Variants in DMC1 observed in about 807,000 individuals in gnomAD.
DMC1 encodes meiotic recombination protein DMC1 homolog.
A neutral mutation model predicts 50.1 loss-of-function variants in DMC1; 27 were observed. That is an observed-to-expected ratio of 0.54 (90% CI 0.40 to 0.74). The LOEUF (loss-of-function observed/expected upper bound fraction) is 0.74. DMC1 is among the 30% of genes least tolerant of loss of function. The pLI, the probability that DMC1 is intolerant of heterozygous loss-of-function variation, is 0.00. For synonymous variants in DMC1, 148 were observed against 136.1 expected (o/e 1.09, Z -0.61); for missense variants, 295 against 420.2 (o/e 0.70, Z 2.60).
intron 12 of DMC1, among the ~76,000 whole-genome samples, chr22:38,532,838 G>C (rs2090167863): frequency 6.6e-6 from 1 of 151,784 alleles, no homozygotes. Flanking sequence ...AGGCTCCTGG[G>C]CTCAAGCGAT....
intron 13 of DMC1, among the ~76,000 whole-genome samples, chr22:38,520,358 A>C (rs2090010934): frequency 6.6e-6 from 1 of 151,598 alleles, no homozygotes; most frequent in Non-Finnish European, 1.5e-5. Flanking sequence ...ATGTTCTTTC[A>C]TTTATTTATT....
At chr22:38,567,309 C>T (rs2090590015) in intron 3 of DMC1, among the ~76,000 whole-genome samples, 2 of 152,222 alleles carry the variant, frequency 1.3e-5, no homozygotes, top group Admixed American at 1.3e-4. Context: ...GGCTGGATTT[C>T]TGCCAACATC....
rs189607582 is a variant in DMC1 at position 38,541,291 on chromosome 22, A to T, written c.495-1879T>A. ...GTTAATCACTTATATATTTTTAAAA[A>T]TTTTTATTTTATTTTTTTGAGATGG... On this transcript the variant is annotated intron_variant, in intron 8 of 13. Transcript: ENST00000216024. Among the ~76,000 whole-genome samples the T allele has an allele frequency of 1.8e-4, 28 of 152,204 alleles. No homozygotes were observed. In the East Asian group the frequency reaches 1.9e-3, roughly 10 times the overall value.
chr22:38,539,175 C>G (rs937078040), intron 9 of DMC1, 146 bp downstream of exon 9: 1 of 634,884 alleles, frequency 1.6e-6, no homozygotes, highest in African/African-American at 1.8e-5. Context: ...AAGGACTTAC[C>G]AGATGATAAA....
chr22:38,539,275 G>T, intron 9 of DMC1, 46 bp downstream of exon 9: 1 of 1,391,878 alleles, frequency 7.2e-7, no homozygotes, highest in Non-Finnish European at 1.0e-6. Context: ...AATCAGTGCT[G>T]CCAACCTTAC....
At chr22:38,522,202 G>T (rs11570430) in intron 12 of DMC1, among the ~76,000 whole-genome samples, 1 of 150,428 alleles carries the variant, frequency 6.6e-6, no homozygotes, top group African/African-American at 2.4e-5. Flanking sequence ...CTGCCCGCCT[G>T]GGCCTCCCAA....
intron 12 of DMC1, among the ~76,000 whole-genome samples, chr22:38,528,890 A>G (rs1431228032): frequency 1.3e-5 from 2 of 152,238 alleles, no homozygotes; most frequent in African/African-American, 4.8e-5. Flanking sequence ...AACTTTTCTT[A>G]AAGTTTCTTT....
intron 12 of DMC1, among the ~76,000 whole-genome samples, chr22:38,525,263 G>C (rs1437949113): frequency 6.6e-6 from 1 of 152,124 alleles, no homozygotes; most frequent in Non-Finnish European, 1.5e-5. Context: ...CCCTGGTCTA[G>C]GTCCTTCTTG....
chr22:38,534,384 A>C (rs1304484816), intron 12 of DMC1, among the ~76,000 whole-genome samples: 1 of 152,186 alleles, frequency 6.6e-6, no homozygotes, highest in Non-Finnish European at 1.5e-5. Flanking sequence ...GGTTCAGAAG[A>C]AACTTCTCAA....
In DMC1 at chr22:38,567,608, A is replaced by G. The variant is rs375414601; in HGVS notation, c.71T>C (p.Ile24Thr). Residue 24 changes from isoleucine (I) to threonine (T), a missense_variant, in exon 3 of 14, where the codon ATT becomes ACT. Transcript: ENST00000216024. ...AATTCCATGTTTCTGTAACAGGTCA[A>G]TATCTTGAAACAAAGATTCCTAAAG... ...QDEEESLFQD[I>T]DLLQKHGINV... 12 of 1,609,760 alleles carry G rather than the reference A, an allele frequency of 7.5e-6. No homozygotes were observed. Among genetic ancestry groups the G allele is most frequent in the African/African-American group, 1.3e-5 (1 of 74,850 alleles).
rs769615441 is a variant in DMC1 at position 38,538,594 on chromosome 22, A to G, written c.605T>C (p.Leu202Pro). 6.2e-7 allele frequency: 1 copy of G among 1,614,036 alleles called. No individual in the cohort carries two copies. The highest frequency in any genetic ancestry group is 8.5e-7 in the Non-Finnish European group (1 of 1,179,936). ...GAACTTTGCTGCTACATAATCAAGT[A>G]GCTCCATCTGATGTTCACCTGATGG... ...RAYTSEHQME[L>P]LDYVAAKFHE... is the part of the protein sequence containing the mutation. Residue 202 changes from leucine (L) to proline (P), a missense_variant, in exon 10 of 14, where the codon CTA becomes CCA. Coordinates refer to ENST00000216024, the MANE Select transcript of DMC1 (RefSeq NM_007068.4).
intron 12 of DMC1, among the ~76,000 whole-genome samples, chr22:38,527,844 T>C (rs2090109950): frequency 6.6e-6 from 1 of 151,602 alleles, no homozygotes; most frequent in Non-Finnish European, 1.5e-5. Flanking sequence ...TAATGGGGGA[T>C]AATAACTGTA....
the DMC1 span, among the ~76,000 whole-genome samples, chr22:38,512,465 C>A: frequency 1.3e-5 from 2 of 152,198 alleles, no homozygotes; most frequent in African/African-American, 4.8e-5. Flanking sequence ...CTTTAGATTT[C>A]TTTTCTATGA....
intron 9 of DMC1, among the ~76,000 whole-genome samples, chr22:38,539,035 CAAA>C (rs201990795): frequency 8.9e-6 from 1 of 112,640 alleles, no homozygotes. Flanking sequence ...GACTCCATCT[CAAA>C]AAAAAAAAAA....
At chr22:38,529,425 C>T (rs1186204060) in intron 12 of DMC1, among the ~76,000 whole-genome samples, 2 of 151,716 alleles carry the variant, frequency 1.3e-5, no homozygotes, top group East Asian at 1.9e-4. Flanking sequence ...TTCTTTTTTC[C>T]TTTTGTCAGG....
chr22:38,516,815 A>ATCTTTT (rs1476368929), downstream of DMC1, among the ~76,000 whole-genome samples: 1 of 152,022 alleles, frequency 6.6e-6, no homozygotes, highest in Non-Finnish European at 1.5e-5. Flanking sequence ...CAGTTGAATA[A>ATCTTTT]TCTTTTTCTT....
Position 38,537,642 on chromosome 22 carries a change from C to G in DMC1, c.786G>C (p.Val262=), listed in dbSNP as rs770468444. ...RLQKISEEYN[V]AVFVTNQMTA... Reference sequence around the variant, plus strand: ...TCATTTGATTGGTCACAAAAACAGCCACGTTATATTCTGCATCAAGAGATA... The same window carrying G: ...TCATTTGATTGGTCACAAAAACAGCGACGTTATATTCTGCATCAAGAGATA... Residue 262 remains valine, a synonymous_variant, in exon 12 of 14, where the codon GTG becomes GTC. Transcript: ENST00000216024. The G allele has an allele frequency of 1.2e-6, 2 of 1,613,676 alleles. No homozygotes were observed. Among genetic ancestry groups the G allele is most frequent in the Non-Finnish European group, 1.7e-6 (2 of 1,179,682 alleles).
chr22:38,518,089 C>G (rs2089988882), downstream of DMC1, among the ~76,000 whole-genome samples: 1 of 152,034 alleles, frequency 6.6e-6, no homozygotes, highest in South Asian at 2.1e-4. Context: ...TTTCCTGCCT[C>G]AGCCTCCTGA....
intron 4 of DMC1, 32 bp from the exon 5 acceptor site, chr22:38,562,401 G>C (rs760563460): frequency 7.3e-5 from 105 of 1,439,960 alleles, no homozygotes; most frequent in Non-Finnish European, 7.8e-5. Context: ...TGTTCAAAAA[G>C]AGTTTAAAGA....
Sources: gnomAD v4.1 joint callset for allele counts (sites outside exome capture counted in the v4.1 genomes callset) on GRCh38, gnomAD v4.1.1 for gene constraint, MANE v1.5 for transcripts, NCBI Gene and HGNC (gene_info 2026-07-23, HGNC 2026-07-21) for gene names.